The following DLG5 variants were observed in gnomAD, a reference collection of about 807,000 sequenced individuals.
The protein encoded by DLG5 is disks large homolog 5.
DLG5 carries 48 observed loss-of-function variants against 189.8 expected under a neutral mutation model. That is an observed-to-expected ratio of 0.25 (90% confidence interval 0.20 to 0.32). The LOEUF (loss-of-function observed/expected upper bound fraction) is 0.32, where lower values mean the gene tolerates loss of function less well. DLG5 is among the 10% of genes least tolerant of loss of function. The pLI, the probability that DLG5 is intolerant of heterozygous loss-of-function variation, is 1.00. For missense variants in DLG5, 2,160 were observed against 2,544.7 expected (o/e 0.85, Z 3.25); for synonymous variants, 1,016 against 1,054.1 (o/e 0.96, Z 0.70).
At chr10:77,873,013 A>ATGTGTG (rs112644933) in intron 1 of DLG5, among the ~76,000 whole-genome samples, 3,903 of 124,810 alleles carry the variant, frequency 0.031, 208 homozygotes, top group African/African-American at 0.12. Context: ...CAGCCTCCTG[A>ATGTGTG]TGTGTGTGTG....
chr10:77,806,800 T>C lies in DLG5; in HGVS notation c.4925A>G (p.Asn1642Ser), dbSNP rs1356825477. 2 of 1,594,354 alleles carry C rather than the reference T, an allele frequency of 1.3e-6. No individual in the cohort carries two copies. The highest frequency in any genetic ancestry group is 1.7e-6 in the Non-Finnish European group (2 of 1,168,104). Residue 1642 changes from asparagine to serine, a missense_variant, in exon 26 of 32, where the codon AAT becomes AGT. Asn to Ser is a conservative substitution (Grantham distance 46). Coordinates refer to ENST00000372391, the MANE Select transcript of DLG5 (RefSeq NM_004747.4). Reference protein sequence around the residue: ...GSWMAWQLDENAQKIQRGQIP... With the variant: ...GSWMAWQLDESAQKIQRGQIP... Reference sequence around the variant, plus strand: ...CTGCCCGCGCTGGATCTTCTGGGCATTCTCGTCCAGCTGCCAAGCCATCCA... The same window carrying C: ...CTGCCCGCGCTGGATCTTCTGGGCACTCTCGTCCAGCTGCCAAGCCATCCA...
At chr10:77,877,581 C>T (rs1845139871) in intron 1 of DLG5, among the ~76,000 whole-genome samples, 1 of 152,114 alleles carries the variant, frequency 6.6e-6, no homozygotes, top group African/African-American at 2.4e-5. Flanking sequence ...GGAGGGAAGG[C>T]AGTGGGAGGA....
intron 2 of DLG5, among the ~76,000 whole-genome samples, chr10:77,865,210 T>C (rs977977253): frequency 1.3e-5 from 2 of 152,174 alleles, no homozygotes; most frequent in African/African-American, 4.8e-5. Flanking sequence ...TTCACCGTGA[T>C]CCCTATGAGT....
chr10:77,830,810 G>C lies in DLG5; in HGVS notation c.1812C>G (p.Ser604=), dbSNP rs1349313856. 6.2e-6 allele frequency: 10 copies of C among 1,614,042 alleles called. No individual in the cohort carries two copies. The highest frequency in any genetic ancestry group is 8.5e-6 in the Non-Finnish European group (10 of 1,180,044). Residue 604 remains serine (S), a synonymous_variant, in exon 10 of 32, where the codon TCC becomes TCG. Coordinates refer to ENST00000372391, the MANE Select transcript of DLG5 (RefSeq NM_004747.4). The part of the protein sequence containing the change: ...ARFRQLMAHS[S]HDSAIDTDSM... ...AATCCGTGTCAATGGCCGAGTCGTGGGAGCTGTGGGCCATCAGCTGTCGGA... is the reference window on the plus strand; with the variant it reads ...AATCCGTGTCAATGGCCGAGTCGTGCGAGCTGTGGGCCATCAGCTGTCGGA...
At chr10:77,806,718 A>AGGGCCC in intron 26 of DLG5, 40 bp downstream of exon 26, 39 of 1,333,578 alleles carry the variant, frequency 2.9e-5, no homozygotes, top group Non-Finnish European at 3.8e-5. Context: ...GCCCTCGGCG[A>AGGGCCC]CCCCTGCCCC....
intron 1 of DLG5, chr10:77,869,408 C>T: frequency 3.7e-6 from 2 of 546,200 alleles, no homozygotes; most frequent in Non-Finnish European, 6.4e-6. Flanking sequence ...ATCGGCCCCT[C>T]CTGCTCTGGG....
At chr10:77,809,508 TAGATGGAG>T (rs1841650039) in intron 24 of DLG5, 31 bp downstream of exon 24, 1 of 1,580,594 alleles carries the variant, frequency 6.3e-7, no homozygotes, top group Non-Finnish European at 8.6e-7. Context: ...ACTGTGCAGG[TAGATGGAG>T]GCCTGGCCTG....
intron 3 of DLG5, among the ~76,000 whole-genome samples, chr10:77,854,892 C>T (rs774290519): frequency 4.6e-5 from 7 of 151,988 alleles, no homozygotes; most frequent in Admixed American, 6.6e-5. Flanking sequence ...AGGAGGCTAA[C>T]GTGGGAGGAT....
chr10:77,806,728 C>A, intron 26 of DLG5, 30 bp downstream of exon 26: 1 of 1,525,038 alleles, frequency 6.6e-7, no homozygotes. Flanking sequence ...ACCCCTGCCC[C>A]ACCCCACCCC....
At chr10:77,801,719 G>A (rs1271361187) in intron 27 of DLG5, among the ~76,000 whole-genome samples, 1 of 152,200 alleles carries the variant, frequency 6.6e-6, no homozygotes, top group Non-Finnish European at 1.5e-5. Context: ...GGTGGTGGAC[G>A]GGTGGTGGCA....
chr10:77,886,618 G>A (rs1048166185), intron 1 of DLG5, among the ~76,000 whole-genome samples: 1 of 152,192 alleles, frequency 6.6e-6, no homozygotes, highest in African/African-American at 2.4e-5. Flanking sequence ...GCCTCCCAAA[G>A]TGCTGGGATT....
chr10:77,934,923 T>G, the DLG5 span, among the ~76,000 whole-genome samples: 1 of 149,714 alleles, frequency 6.7e-6, no homozygotes, highest in South Asian at 2.1e-4. Context: ...AGTGGCACGA[T>G]CTTGGCTCAC....
chr10:77,888,691 A>G (rs1845517827), intron 1 of DLG5, among the ~76,000 whole-genome samples: 1 of 152,212 alleles, frequency 6.6e-6, no homozygotes, highest in African/African-American at 2.4e-5. Flanking sequence ...CCGTGTGCCA[A>G]GCAAATGGAA....
chr10:77,890,210 C>T (rs950401673), intron 1 of DLG5, among the ~76,000 whole-genome samples: 2 of 152,232 alleles, frequency 1.3e-5, no homozygotes, highest in Non-Finnish European at 2.9e-5. Context: ...CAAGCAGCTT[C>T]TCAAAGAGGG....
chr10:77,829,486 T>C lies in DLG5; in HGVS notation c.2054A>G (p.Asn685Ser). ...CTTGATGGCCTGCTTCTTGTCCTTG[T>C]TGATGAGGTCCACATCGTTGATTCT... Reference protein sequence around the residue: ...LLRINDVDLINKDKKQAIKAL... With the variant: ...LLRINDVDLISKDKKQAIKAL... Residue 685 changes from asparagine to serine, a missense_variant, in exon 12 of 32, where the codon AAC (asparagine) becomes AGC (serine). By Grantham distance (46) the Asn-to-Ser change is conservative. This residue lies in a region of DLG5 where 107 missense variants were observed against 214.5 expected (regional missense o/e 0.50). Transcript: ENST00000372391. 2 of 1,613,950 alleles carry C rather than the reference T, an allele frequency of 1.2e-6. No individual in the cohort carries two copies. The highest frequency in any genetic ancestry group is 1.7e-6 in the Non-Finnish European group (2 of 1,179,920).
At chr10:77,854,429 G>A (rs1844131340) in intron 3 of DLG5, 59 bp from the exon 4 acceptor site, 2 of 1,602,004 alleles carry the variant, frequency 1.2e-6, no homozygotes, top group Non-Finnish European at 8.5e-7. Context: ...ACGGATAGAG[G>A]AACCAGGTCC....
At chr10:77,827,760 TA>T (rs202027076) in intron 13 of DLG5, among the ~76,000 whole-genome samples, 2,087 of 152,230 alleles carry the variant, frequency 0.014, 25 homozygotes, top group Non-Finnish European at 0.022. Flanking sequence ...CAGAATACCA[TA>T]AGGTGGGTAA....
At chr10:77,824,652 G>T (rs916083279) in intron 13 of DLG5, 176 bp from the exon 14 acceptor site, 17 of 570,922 alleles carry the variant, frequency 3.0e-5, no homozygotes, top group Non-Finnish European at 5.3e-5. Context: ...TCCAACTAAG[G>T]GGATTCTGAG....
At position 77,821,958 on chromosome 10, in the gene DLG5, C is replaced by T. The variant is rs369342576; in HGVS notation, c.2526G>A (p.Thr842=). The T allele has an allele frequency of 5.6e-6, 9 of 1,614,088 alleles. No individual in the cohort carries two copies. The highest frequency in any genetic ancestry group is 2.7e-5 in the African/African-American group (2 of 74,928). Residue 842 remains threonine, a synonymous_variant, in exon 15 of 32, where the codon ACG becomes ACA. Coordinates refer to ENST00000372391, the MANE Select transcript of DLG5 (RefSeq NM_004747.4). ...TGTCCGTGTAGAAGATGTCTGTCTG[C>T]GTGGAGTTATTGTGCTGTATCAAGT... ...KRNLIQHNNS[T]QTDIFYTDRL...
Sources: gnomAD v4.1 joint callset for allele counts (sites outside exome capture counted in the v4.1 genomes callset) on GRCh38, gnomAD v4.1.1 for gene constraint, gnomAD v4.1.1 regional missense constraint, MANE v1.5 for transcripts, NCBI Gene and HGNC (gene_info 2026-07-23, HGNC 2026-07-21) for gene names.